CELF2: variants seen among roughly 807,000 people sequenced by gnomAD.
The protein encoded by CELF2 is CUG triplet repeat RNA-binding protein 2.
In CELF2, 8 loss-of-function variants were observed where a neutral mutation model predicts 62.6. The observed-to-expected ratio is 0.13, with a 90% confidence interval of 0.07 to 0.23. CELF2 has a LOEUF of 0.23. CELF2 is among the 10% of genes least tolerant of loss of function. The probability of loss-of-function intolerance (pLI) is 1.00; values close to 1 mark genes in which losing one functional copy is unlikely to be tolerated. For synonymous variants in CELF2, 258 were observed against 250.0 expected, an observed-to-expected ratio of 1.03 and a Z score of -0.30; for missense variants, 333 against 671.0, an observed-to-expected ratio of 0.50 and a Z score of 5.56.
chr10:10,875,564 T>C (rs1393574945), intron 1 of CELF2, among the ~76,000 whole-genome samples: 1 of 152,250 alleles, frequency 6.6e-6, no homozygotes, highest in African/African-American at 2.4e-5. Flanking sequence ...CTTTGTTTAC[T>C]GTAGCGTAGG....
In CELF2 at chr10:11,300,301, C is replaced by T. The variant is rs1293169109; in HGVS notation, c.976+11749C>T. 6.6e-6 allele frequency among the ~76,000 whole-genome samples: 1 copy of T among 152,196 alleles called. No individual in the cohort carries two copies. Among genetic ancestry groups the T allele is most frequent in the East Asian group, 1.9e-4 (1 of 5,192 alleles). ...TCAGCAGTCGTTCTGAGTCCAGACCCGGCCCTCTAGACTGAATTTTCCTCT... is the reference window on the plus strand; with the variant it reads ...TCAGCAGTCGTTCTGAGTCCAGACCTGGCCCTCTAGACTGAATTTTCCTCT... On this transcript the variant is annotated intron_variant, in intron 9 of 12. Coordinates refer to ENST00000633077, the MANE Select transcript of CELF2 (RefSeq NM_001326342.2). The surrounding 1 kb of genome is among the most constrained non-coding windows in gnomAD (Gnocchi z 5.5).
chr10:10,948,141 A>T (rs2047907678), intron 2 of CELF2: 1 of 152,376 alleles, frequency 6.6e-6, no homozygotes, highest in Admixed American at 6.5e-5. Flanking sequence ...GGAGAGAGGG[A>T]TGGAAACCAC....
At chr10:11,077,737 A>G (rs1357065379) in intron 1 of CELF2, among the ~76,000 whole-genome samples, 1 of 152,204 alleles carries the variant, frequency 6.6e-6, no homozygotes, top group African/African-American at 2.4e-5. Context: ...GCCTCTTGAC[A>G]GATGAATTAT....
At chr10:10,796,935 G>C, upstream of CELF2, 1 of 976,890 alleles carries the variant, frequency 1.0e-6, no homozygotes, top group Non-Finnish European at 1.2e-6. Context: ...TTAGTCTAGA[G>C]ACAGTTGCAC....
chr10:11,111,899 C>A (rs2055272726), intron 1 of CELF2, among the ~76,000 whole-genome samples: 1 of 152,168 alleles, frequency 6.6e-6, no homozygotes, highest in Non-Finnish European at 1.5e-5. Flanking sequence ...TTATAATAAT[C>A]AAATGTTTGG....
At position 11,117,626 on chromosome 10, in the gene CELF2, A is replaced by G. The variant is rs1038301274; in HGVS notation, c.75-47860A>G. 1.3e-5 allele frequency among the ~76,000 whole-genome samples: 2 copies of G among 152,224 alleles called. No individual in the cohort carries two copies. The highest frequency in any genetic ancestry group is 4.8e-5 in the African/African-American group (2 of 41,460). ...ACCACGTGTGTGATGGTATCATGAC[A>G]TGAATATGATCCTTGCTGACATTAA... is the stretch of plus-strand genomic sequence containing the variant. On this transcript the variant is annotated intron_variant, in intron 1 of 12. Transcript: ENST00000633077. This position sits in a 1 kb window ranked among gnomAD's most constrained non-coding sequence, Gnocchi z 4.1.
Position 10,990,047 on chromosome 10 carries a change from G to C in CELF2, c.89+70048G>C, listed in dbSNP as rs1239895669. On this transcript the variant is annotated intron_variant, in intron 2 of 13. Transcript: ENST00000636488. The surrounding 1 kb of genome is among the most constrained non-coding windows in gnomAD (Gnocchi z 4.6). ...AAAGCAATTTAGTAATTTATGTTAA[G>C]ATGTAAAACAGTTATCTTCTCTCTG... 6.6e-6 allele frequency among the ~76,000 whole-genome samples: 1 copy of C among 152,104 alleles called. No homozygotes were observed.
At chr10:11,065,871 G>A (rs1057237399) in intron 1 of CELF2, among the ~76,000 whole-genome samples, 14 of 150,462 alleles carry the variant, frequency 9.3e-5, no homozygotes, top group Non-Finnish European at 1.5e-4. Flanking sequence ...TTTAAATAGG[G>A]TATCAGGGTA....
At chr10:10,901,024 G>A (rs1192530662) in intron 1 of CELF2, among the ~76,000 whole-genome samples, 1 of 152,194 alleles carries the variant, frequency 6.6e-6, no homozygotes, top group East Asian at 1.9e-4. Flanking sequence ...ATTGTGGAGA[G>A]AAATTAGAGA....
chr10:10,878,505 G>A (rs754728366), intron 1 of CELF2, among the ~76,000 whole-genome samples: 151 of 152,180 alleles, frequency 9.9e-4, no homozygotes, highest in Non-Finnish European at 1.8e-3. Context: ...TGAGATTGGG[G>A]GGCTTCTGTC....
chr10:10,805,577 G>A (rs2055136246), intron 1 of CELF2, among the ~76,000 whole-genome samples: 1 of 152,146 alleles, frequency 6.6e-6, no homozygotes, highest in South Asian at 2.1e-4. Flanking sequence ...GATCACCCTA[G>A]GGATGTGGCC....
chr10:11,211,228 A>C lies in CELF2; in HGVS notation c.272-6197A>C, dbSNP rs1285081123. Among the ~76,000 whole-genome samples the C allele has an allele frequency of 6.6e-6, 1 of 152,246 alleles. No individual in the cohort carries two copies. The highest frequency in any genetic ancestry group is 2.4e-5 in the African/African-American group (1 of 41,464). On this transcript the variant is annotated intron_variant, in intron 2 of 12. Coordinates refer to ENST00000633077, the MANE Select transcript of CELF2 (RefSeq NM_001326342.2). This position sits in a 1 kb window ranked among gnomAD's most constrained non-coding sequence, Gnocchi z 4.8. ...CAGGAGTTCGAAGTTAAAGTGAACT[A>C]TGATTGCACCACTGCACTCTAACCT...
intron 4 of CELF2, among the ~76,000 whole-genome samples, chr10:11,253,749 G>T (rs149432359): frequency 6.6e-6 from 1 of 152,264 alleles, no homozygotes; most frequent in East Asian, 1.9e-4. Flanking sequence ...TATCATGGAA[G>T]GTAGACTTCA....
chr10:10,940,172 C>G (rs1176442570), intron 2 of CELF2, among the ~76,000 whole-genome samples: 1 of 152,210 alleles, frequency 6.6e-6, no homozygotes, highest in Non-Finnish European at 1.5e-5. Flanking sequence ...CTCTATATGT[C>G]AGCTACCTTA....
At chr10:10,575,046 G>A in the CELF2 span, among the ~76,000 whole-genome samples, 4 of 151,904 alleles carry the variant, frequency 2.6e-5, no homozygotes, top group African/African-American at 7.3e-5. Context: ...CAAGCAAATG[G>A]CTTTTTATTT....
At chr10:10,914,838 A>G (rs2064170668) in intron 1 of CELF2, among the ~76,000 whole-genome samples, 1 of 152,096 alleles carries the variant, frequency 6.6e-6, no homozygotes, top group Non-Finnish European at 1.5e-5. Flanking sequence ...TTCAATTTTT[A>G]GTGGTCTGGG....
At chr10:10,908,477 C>T (rs1393274803) in intron 1 of CELF2, among the ~76,000 whole-genome samples, 1 of 151,826 alleles carries the variant, frequency 6.6e-6, no homozygotes, top group Non-Finnish European at 1.5e-5. Context: ...GCCTCGGCCT[C>T]CCAAAGTGCT....
chr10:10,732,102 C>A, the CELF2 span, among the ~76,000 whole-genome samples: 1 of 152,172 alleles, frequency 6.6e-6, no homozygotes. Flanking sequence ...CTTCCCCAGT[C>A]CCCAGCCAGT....
chr10:10,835,681 C>G (rs913867577), intron 1 of CELF2, among the ~76,000 whole-genome samples: 1 of 152,138 alleles, frequency 6.6e-6, no homozygotes, highest in Non-Finnish European at 1.5e-5. Flanking sequence ...CCACGCCCAG[C>G]CCAGCAGATT....
Sources: allele counts gnomAD v4.1 joint callset (sites outside exome capture counted in the v4.1 genomes callset), GRCh38; gene constraint gnomAD v4.1.1; non-coding constraint Gnocchi (gnomAD v3.1); transcripts MANE v1.5; gene names NCBI Gene and HGNC (gene_info 2026-07-23, HGNC 2026-07-21).